OPA3: variants seen among roughly 807,000 people sequenced by gnomAD.
OPA3 encodes the protein optic atrophy 3 protein.
OPA3 carries 6 observed loss-of-function variants against 4.0 expected under a neutral mutation model. The observed-to-expected ratio is 1.51, with a 90% CI of 0.83 to 2.99. The LOEUF is 2.99. OPA3 is among the 30% of genes most tolerant of loss of function. The pLI, the probability that OPA3 is intolerant of heterozygous loss-of-function variation, is 0.00. For synonymous variants in OPA3, 105 were observed against 117.1 expected (o/e 0.90, Z 0.67); for missense variants, 235 against 256.2 (o/e 0.92, Z 0.56).
downstream of OPA3, among the ~76,000 whole-genome samples, chr19:45,541,723 C>G (rs113046931): frequency 0.035 from 5,333 of 152,070 alleles, 300 homozygotes; most frequent in African/African-American, 0.12. Flanking sequence ...CACCACCACA[C>G]CTGGCGCATT....
rs558779723 is a variant in OPA3 at position 45,550,052 on chromosome 19, G to A, written c.*3462C>T. The A allele has an allele frequency of 6.9e-5, 33 of 479,166 alleles. No individual in the cohort carries two copies. The highest frequency in any genetic ancestry group is 6.5e-4 in the African/African-American group (31 of 47,488). The allele number at this position is 479,166 out of a possible 1,614,324, so 29.7% of individuals were successfully genotyped here. Reference sequence around the variant, plus strand: ...GGGCACATGTAATCCCAGCTACTTCGGAAGCTGAGGCAGGATCATTGGTTG... The same window carrying A: ...GGGCACATGTAATCCCAGCTACTTCAGAAGCTGAGGCAGGATCATTGGTTG... On this transcript the variant is annotated 3_prime_UTR_variant, in exon 2 of 2. Transcript: ENST00000263275.
chr19:45,548,081 C>T lies in OPA3; in HGVS notation c.*5433G>A, dbSNP rs186395735. 1.0e-6 allele frequency: 1 copy of T among 980,848 alleles called. No individual in the cohort carries two copies. The highest frequency in any genetic ancestry group is 1.1e-4 in the East Asian group (1 of 8,802). 60.8% of individuals were successfully genotyped at this position (980,848 alleles called of 1,614,324 possible). On this transcript the variant is annotated 3_prime_UTR_variant, in exon 2 of 2. Transcript: ENST00000263275. ...CTGCTTGCTCCCAACTGGCTCCCAG[C>T]TACTAGAATGGAGCCTGGTGCAGTT...
chr19:45,543,209 A>G (rs892036055), downstream of OPA3, among the ~76,000 whole-genome samples: 7 of 151,826 alleles, frequency 4.6e-5, no homozygotes, highest in African/African-American at 1.5e-4. Flanking sequence ...GCGTCTCTGT[A>G]TATTGCCCAG....
Position 45,584,783 on chromosome 19 carries a change from C to A in OPA3, c.-19G>T. The A allele has an allele frequency of 1.2e-6, 2 of 1,613,058 alleles. No homozygotes were observed. Among genetic ancestry groups the A allele is most frequent in the Non-Finnish European group, 1.7e-6 (2 of 1,179,962 alleles). The stretch of plus-strand genomic sequence containing the variant: ...CCACCATCTTGGCGGTCTCACAGGG[C>A]ACGCGCAACCTTGCTGACTGGGCGG... On this transcript the variant is annotated 5_prime_UTR_variant, in exon 1 of 2. Transcript: ENST00000263275.
downstream of OPA3, among the ~76,000 whole-genome samples, chr19:45,543,599 G>A (rs1969212322): frequency 6.6e-6 from 1 of 152,154 alleles, no homozygotes; most frequent in Admixed American, 6.6e-5. Context: ...TTACAGGCGT[G>A]AGCCACTGCG....
Position 45,549,197 on chromosome 19 carries a change from C to T in OPA3, c.*4317G>A. 2.0e-6 allele frequency: 2 copies of T among 985,374 alleles called. No homozygotes were observed. Among genetic ancestry groups the T allele is most frequent in the Non-Finnish European group, 2.4e-6 (2 of 829,910 alleles). The allele number at this position is 985,374 out of a possible 1,614,324, so 61.0% of individuals were successfully genotyped here. A position where few individuals can be genotyped will look rare whatever the true frequency, so the allele number is the denominator to read the frequency against. On this transcript the variant is annotated 3_prime_UTR_variant, in exon 2 of 2. Coordinates refer to ENST00000263275, the MANE Select transcript of OPA3 (RefSeq NM_025136.4). ...TATTCTAACCCCTCTCCCCAAATTA[C>T]AAGGTACACAGAATTCTAGCTAGCA...
Position 45,550,018 on chromosome 19 carries a change from G to C in OPA3, c.*3496C>G, listed in dbSNP as rs749084024. 262 of 475,574 alleles carry C rather than the reference G, an allele frequency of 5.5e-4. No homozygotes were observed. The highest frequency in any genetic ancestry group is 6.8e-4 in the Non-Finnish European group (248 of 364,356). 29.5% of individuals were successfully genotyped at this position (475,574 alleles called of 1,614,324 possible). A position where few individuals can be genotyped will look rare whatever the true frequency, so the allele number is the denominator to read the frequency against. On this transcript the variant is annotated 3_prime_UTR_variant, in exon 2 of 2. Coordinates refer to ENST00000263275, the MANE Select transcript of OPA3 (RefSeq NM_025136.4). ...ACTAAAATACAAAAATTAGCCAGGCGTGGGTGGTGGGCACATGTAATCCCA... is the reference window on the plus strand; with the variant it reads ...ACTAAAATACAAAAATTAGCCAGGCCTGGGTGGTGGGCACATGTAATCCCA...
At chr19:45,545,443 A>T (rs188167888), downstream of OPA3, among the ~76,000 whole-genome samples, 5 of 151,470 alleles carry the variant, frequency 3.3e-5, no homozygotes, top group African/African-American at 1.2e-4. Flanking sequence ...ACATGGGAGG[A>T]TTGCTTGAGC....
intron 1 of OPA3, among the ~76,000 whole-genome samples, chr19:45,568,008 T>C (rs1969608272): frequency 6.6e-6 from 1 of 152,144 alleles, no homozygotes; most frequent in Non-Finnish European, 1.5e-5. Flanking sequence ...TGATTATTAC[T>C]GTTATTTTGA....
At chr19:45,566,403 G>C (rs981563005) in intron 1 of OPA3, among the ~76,000 whole-genome samples, 15 of 150,884 alleles carry the variant, frequency 9.9e-5, no homozygotes, top group African/African-American at 2.4e-4. Flanking sequence ...TACCCGCCTT[G>C]GAGTCCCAAT....
At chr19:45,557,549 T>G (rs569390478) in intron 1 of OPA3, among the ~76,000 whole-genome samples, 9 of 152,010 alleles carry the variant, frequency 5.9e-5, no homozygotes, top group Non-Finnish European at 1.2e-4. Flanking sequence ...CCCACACCTG[T>G]CCCCTGGCTA....
At chr19:45,580,090 A>C (rs1213132796) in intron 1 of OPA3, among the ~76,000 whole-genome samples, 1 of 141,790 alleles carries the variant, frequency 7.1e-6, no homozygotes, top group African/African-American at 2.6e-5. Context: ...TCCGCCTCCC[A>C]TGTTCAAGTG....
At chr19:45,575,443 A>C (rs887370532) in intron 1 of OPA3, among the ~76,000 whole-genome samples, 1 of 152,088 alleles carries the variant, frequency 6.6e-6, no homozygotes, top group Non-Finnish European at 1.5e-5. Flanking sequence ...TATGTAGAAA[A>C]AGAAAACTGA....
At chr19:45,530,417 T>G (rs544693647) in intron 1 of OPA3, among the ~76,000 whole-genome samples, 1 of 152,266 alleles carries the variant, frequency 6.6e-6, no homozygotes, top group South Asian at 2.1e-4. Flanking sequence ...ATGAACTATA[T>G]GGAATTCATC....
At chr19:45,542,470 C>T (rs897919023), downstream of OPA3, among the ~76,000 whole-genome samples, 1 of 152,136 alleles carries the variant, frequency 6.6e-6, no homozygotes, top group African/African-American at 2.4e-5. Context: ...GGCTATAAAC[C>T]TAAACAGCAT....
Position 45,553,845 on chromosome 19 carries a change from G to A in OPA3, c.209C>T (p.Pro70Leu), listed in dbSNP as rs143027616. 1.9e-6 allele frequency: 3 copies of A among 1,612,686 alleles called. No homozygotes were observed. Among genetic ancestry groups the A allele is most frequent in the Non-Finnish European group, 2.5e-6 (3 of 1,179,218 alleles). ...IMGFRGTVIK[P>L]LNEEAAAELG... is the part of the protein sequence containing the mutation. ...CTCAGCTGCCGCCTCCTCGTTCAGC[G>A]GCTTGATGACCGTGCCCCGGAAGCC... Residue 70 changes from proline (P) to leucine (L), a missense_variant, in exon 2 of 2, where the codon CCG becomes CTG. Pro to Leu is a moderately conservative substitution (Grantham distance 98). Coordinates refer to ENST00000263275, the MANE Select transcript of OPA3 (RefSeq NM_025136.4).
At chr19:45,584,577 G>C (rs1445675237) in intron 1 of OPA3, 46 bp downstream of exon 1, 6 of 1,613,834 alleles carry the variant, frequency 3.7e-6, no homozygotes, top group African/African-American at 1.3e-5. Flanking sequence ...ACCTGACAGG[G>C]GTTGGAGAAA....
downstream of OPA3, among the ~76,000 whole-genome samples, chr19:45,543,366 G>A (rs1235753399): frequency 6.6e-6 from 1 of 151,650 alleles, no homozygotes; most frequent in Non-Finnish European, 1.5e-5. Context: ...TGTTGCCCAG[G>A]CTGGAGTGCA....
At chr19:45,572,353 CATATATGAGAT>C (rs1341124965) in intron 1 of OPA3, among the ~76,000 whole-genome samples, 2 of 128,642 alleles carry the variant, frequency 1.6e-5, no homozygotes, top group Admixed American at 1.7e-4. Context: ...TATATATCGA[CATATATGAGAT>C]ATATATCGAT....
Sources: allele counts gnomAD v4.1 joint callset (sites outside exome capture counted in the v4.1 genomes callset), GRCh38; gene constraint gnomAD v4.1.1; transcripts MANE v1.5; gene names NCBI Gene and HGNC (gene_info 2026-07-23, HGNC 2026-07-21).